CAPN9: variants seen among roughly 807,000 people sequenced by gnomAD.
CAPN9 encodes the protein calpain-9.
Under a neutral mutation model 92.8 loss-of-function variants are expected in CAPN9, and 81 were observed. That is an observed-to-expected ratio of 0.87 (90% CI 0.73 to 1.05). CAPN9 has a LOEUF of 1.05. Ranked by LOEUF, CAPN9 falls within the 50% of genes least tolerant of loss-of-function variation. CAPN9 has a pLI of 0.00. For missense variants in CAPN9, 848 were observed against 866.2 expected (o/e 0.98, Z 0.26); for synonymous variants, 304 against 328.0 (o/e 0.93, Z 0.79).
Position 230,783,188 on chromosome 1 carries a change from C to T in CAPN9, c.1481+2480C>T, listed in dbSNP as rs1220888170. On this transcript the variant is annotated intron_variant, in intron 11 of 19. Coordinates refer to ENST00000271971, the MANE Select transcript of CAPN9 (RefSeq NM_006615.3). ...GTGTAATGCAACTGCACTGTTTATG[C>T]GTCTTTGGAGGTGCTGCTATTCTAC... Among the ~76,000 whole-genome samples, 7 of 152,352 alleles carry T rather than the reference C, an allele frequency of 4.6e-5. No individual in the cohort carries two copies. The East Asian group carries it at 9.6e-4, about 21-fold the overall frequency.
intron 13 of CAPN9, among the ~76,000 whole-genome samples, 154 bp from the exon 14 acceptor site, chr1:230,789,978 G>A (rs574256305): frequency 6.6e-6 from 1 of 152,312 alleles, no homozygotes; most frequent in South Asian, 2.1e-4. Flanking sequence ...CATAGCTGCA[G>A]CTACACAGGA....
chr1:230,782,112 T>A (rs1176109493), intron 11 of CAPN9, among the ~76,000 whole-genome samples: 1 of 152,192 alleles, frequency 6.6e-6, no homozygotes, highest in Non-Finnish European at 1.5e-5. Context: ...ATGCCTCTTG[T>A]TCTCTATCTT....
chr1:230,757,040 GGAAGGAAGGAAGGAAGGAAGGAAGGAAA>G lies in CAPN9; in HGVS notation c.283+1636_283+1663del, dbSNP rs1558085065. 7.5e-3 allele frequency among the ~76,000 whole-genome samples: 942 copies of G among 126,016 alleles called. 13 individuals carry two copies. The highest frequency in any genetic ancestry group is 0.024 in the African/African-American group (843 of 34,624). 82.7% of individuals were successfully genotyped at this position (126,016 alleles called of 152,430 possible). ...AGGAAGGAAGGAAGGAAGGAAGGAA[GGAAGGAAGGAAGGAAGGAAGGAAGGAAA>G]GGAGAAAATATACTATTCCAGGATT... is the stretch of plus-strand genomic sequence containing the variant. On this transcript the variant is annotated intron_variant, in intron 2 of 19. Coordinates refer to ENST00000271971, the MANE Select transcript of CAPN9 (RefSeq NM_006615.3).
intron 11 of CAPN9, among the ~76,000 whole-genome samples, chr1:230,784,883 A>G (rs1307088670): frequency 2.0e-5 from 3 of 152,226 alleles, no homozygotes; most frequent in Admixed American, 2.0e-4. Context: ...GGCAGCTTGC[A>G]CCTTGAGCCT....
rs545542736 is a variant in CAPN9, at chr1:230,784,067, A to G, written c.1482-1914A>G. Among the ~76,000 whole-genome samples, 3 of 152,342 alleles carry G rather than the reference A, an allele frequency of 2.0e-5. No homozygotes were observed. The South Asian group carries it at 6.2e-4, about 32-fold the overall frequency. ...GAACGTCATAGTGATGATTTAGGGT[A>G]TCTGGAAGAAGAAATTTCTAAGCAG... On this transcript the variant is annotated intron_variant, in intron 11 of 19. Transcript: ENST00000271971.
chr1:230,761,506 G>A (rs1665635524), intron 3 of CAPN9, among the ~76,000 whole-genome samples: 1 of 151,986 alleles, frequency 6.6e-6, no homozygotes, highest in Non-Finnish European at 1.5e-5. Flanking sequence ...AAAGCGGGAA[G>A]CCCTGGAGGG....
At chr1:230,771,628 C>T (rs1244842326) in intron 6 of CAPN9, among the ~76,000 whole-genome samples, 1 of 152,242 alleles carries the variant, frequency 6.6e-6, no homozygotes, top group Non-Finnish European at 1.5e-5. Flanking sequence ...CTTTACCATT[C>T]ACTCTGCTAG....
chr1:230,790,544 C>A (rs1336008063), intron 14 of CAPN9, among the ~76,000 whole-genome samples: 2 of 152,128 alleles, frequency 1.3e-5, no homozygotes, highest in Non-Finnish European at 1.5e-5. Context: ...AAACCCTTTA[C>A]CCATTAACAG....
intron 3 of CAPN9, among the ~76,000 whole-genome samples, chr1:230,761,404 TC>T (rs1367327091): frequency 3.1e-4 from 47 of 151,824 alleles, no homozygotes; most frequent in Non-Finnish European, 5.1e-4. Context: ...TCCCCACTGC[TC>T]CCCTGCTCAG....
chr1:230,795,998 C>T (rs1298411491), intron 18 of CAPN9, among the ~76,000 whole-genome samples: 7 of 150,174 alleles, frequency 4.7e-5, no homozygotes, highest in Non-Finnish European at 1.0e-4. Flanking sequence ...ATCTATGTTC[C>T]ATAGGCCACT....
intron 1 of CAPN9, among the ~76,000 whole-genome samples, chr1:230,751,800 C>T (rs1342287016): frequency 7.7e-6 from 1 of 129,700 alleles, no homozygotes; most frequent in Non-Finnish European, 1.6e-5. Flanking sequence ...GCAAACATTC[C>T]AGGGTGCTTG....
chr1:230,759,183 T>G (rs1350771851), intron 2 of CAPN9, among the ~76,000 whole-genome samples: 1 of 152,234 alleles, frequency 6.6e-6, no homozygotes, highest in Non-Finnish European at 1.5e-5. Flanking sequence ...GTGCTGACAC[T>G]GATGTATGCA....
At chr1:230,790,366 T>A in intron 14 of CAPN9, 177 bp downstream of exon 14, 1 of 961,532 alleles carries the variant, frequency 1.0e-6, no homozygotes, top group Non-Finnish European at 1.2e-6. Flanking sequence ...CGATGCAGGT[T>A]TATAGTAGAA....
At chr1:230,762,869 GA>G (rs3215985) in intron 4 of CAPN9, 83 bp downstream of exon 4, 1 of 1,370,580 alleles carries the variant, frequency 7.3e-7, no homozygotes, top group African/African-American at 1.5e-5. Flanking sequence ...TAAGGGCTGG[GA>G]AAAAATCAGG....
chr1:230,776,973 G>A (rs1181255415), intron 8 of CAPN9: 2 of 152,184 alleles, frequency 1.3e-5, no homozygotes, highest in African/African-American at 4.8e-5. Context: ...CATGCAGGGT[G>A]CTTGAGAGAT....
chr1:230,761,505 A>G (rs1221698953), intron 3 of CAPN9, among the ~76,000 whole-genome samples: 3 of 152,028 alleles, frequency 2.0e-5, no homozygotes, highest in Non-Finnish European at 4.4e-5. Context: ...AAAAGCGGGA[A>G]GCCCTGGAGG....
At chr1:230,759,480 G>A in intron 2 of CAPN9, 32 bp from the exon 3 acceptor site, 1 of 1,496,424 alleles carries the variant, frequency 6.7e-7, no homozygotes. Context: ...AAATAGCAAT[G>A]AAAATTGTGA....
rs1042322523 is a variant in CAPN9 at position 230,762,487 on chromosome 1, G to A, written c.403-166G>A. 6.6e-5 allele frequency among the ~76,000 whole-genome samples: 10 copies of A among 152,302 alleles called. No individual in the cohort carries two copies. In the East Asian group the frequency reaches 1.9e-3, roughly 29 times the overall value. The stretch of plus-strand genomic sequence containing the variant: ...GGAATACTCAGCTTGTAACTTGGTG[G>A]ACAAAGCCCAGGTGCCCTACCTTGG... On this transcript the variant is annotated intron_variant, in intron 3 of 19. Coordinates refer to ENST00000271971, the MANE Select transcript of CAPN9 (RefSeq NM_006615.3).
chr1:230,789,006 G>C (rs1174719484), intron 13 of CAPN9, among the ~76,000 whole-genome samples: 4 of 152,076 alleles, frequency 2.6e-5, no homozygotes, highest in African/African-American at 7.2e-5. Flanking sequence ...GGATGACTTG[G>C]GCACATGGCT....
Sources: allele counts gnomAD v4.1 joint callset (sites outside exome capture counted in the v4.1 genomes callset), GRCh38; gene constraint gnomAD v4.1.1; transcripts MANE v1.5; gene names NCBI Gene and HGNC (gene_info 2026-07-23, HGNC 2026-07-21).